ZNF449: variants seen among roughly 807,000 people sequenced by gnomAD.
The protein encoded by ZNF449 is zinc finger protein 449.
Under a neutral mutation model 32.6 loss-of-function variants are expected in ZNF449, and 4 were observed. The observed-to-expected ratio is 0.12, with a 90% CI of 0.06 to 0.28. ZNF449 has a LOEUF of 0.28. Ranked by LOEUF, ZNF449 falls within the 10% of genes least tolerant of loss-of-function variation. The pLI is 1.00. For synonymous variants in ZNF449, 123 were observed against 132.2 expected, an observed-to-expected ratio of 0.93 and a Z score of 0.48; for missense variants, 275 against 383.2, an observed-to-expected ratio of 0.72 and a Z score of 2.36.
At chrX:135,352,579 T>A (rs1335914348) in intron 3 of ZNF449, among the ~76,000 whole-genome samples, 1 of 112,449 alleles carries the variant, frequency 8.9e-6, no homozygotes, top group East Asian at 2.8e-4. Flanking sequence ...TTTCAATTGA[T>A]GAGGTTTCAT....
In ZNF449 at chrX:135,360,439, C is replaced by T; in HGVS notation, c.920C>T (p.Pro307Leu). Residue 307 changes from proline to leucine, a missense_variant, in exon 5 of 5, where the codon CCT (proline) becomes CTT (leucine). Physicochemically the swap from Pro to Leu is moderately conservative, Grantham distance 98. This residue lies in a region of ZNF449 where 165 missense variants were observed against 175.0 expected (regional missense o/e 0.94). Transcript: ENST00000339249. ...ETPENSNLEEPLNPKPHKKKS... is the reference protein window; with the variant it reads ...ETPENSNLEELLNPKPHKKKS... ...CCTGAGAACTCCAACTTGGAAGAAC[C>T]TCTCAACCCTAAACCCCACAAGAAA... The T allele has an allele frequency of 8.3e-7, 1 of 1,211,440 alleles. No individual in the cohort carries two copies. The highest frequency in any genetic ancestry group is 1.1e-6 in the Non-Finnish European group (1 of 895,355).
At chrX:135,358,383 A>G (rs2084928748) in intron 3 of ZNF449, among the ~76,000 whole-genome samples, 1 of 111,735 alleles carries the variant, frequency 8.9e-6, no homozygotes, top group African/African-American at 3.2e-5. Flanking sequence ...GAAAATACAT[A>G]TATATTATAA....
chrX:135,357,327 A>G (rs782110451), intron 3 of ZNF449, among the ~76,000 whole-genome samples: 1 of 111,456 alleles, frequency 9.0e-6, no homozygotes, highest in African/African-American at 3.2e-5. Context: ...GGTGGGAGGT[A>G]GAGGTCCAAA....
At chrX:135,359,361 G>A (rs782130133) in intron 3 of ZNF449, among the ~76,000 whole-genome samples, 7 of 111,276 alleles carry the variant, frequency 6.3e-5, no homozygotes, top group African/African-American at 2.0e-4. Context: ...TAAGTTATCT[G>A]GGCTAATTTT....
At chrX:135,351,658 T>TAA (rs782046147) in intron 3 of ZNF449, among the ~76,000 whole-genome samples, 4 of 49,501 alleles carry the variant, frequency 8.1e-5, no homozygotes, top group African/African-American at 2.3e-4. Flanking sequence ...TGAGGAATTC[T>TAA]AAAAAAAAAA....
chrX:135,359,776 T>C (rs189368160), intron 3 of ZNF449, 116 bp from the exon 4 acceptor site: 15 of 459,923 alleles, frequency 3.3e-5, no homozygotes, highest in Admixed American at 1.1e-4. Flanking sequence ...GGTGAAGTAA[T>C]AGTAATGGAG....
rs1348214504 is a variant in ZNF449 at position 135,362,396 on chromosome X, C to G, written c.*1320C>G. On this transcript the variant is annotated 3_prime_UTR_variant, in exon 5 of 5. Transcript: ENST00000339249. Reference sequence around the variant, plus strand: ...AATGTATAAGTTTCCCAGTGATTCTCAACCTCTTTGAATTTTACTTATAAT... The same window carrying G: ...AATGTATAAGTTTCCCAGTGATTCTGAACCTCTTTGAATTTTACTTATAAT... 8.9e-6 allele frequency: 1 copy of G among 111,917 alleles called. No individual in the cohort carries two copies. The highest frequency in any genetic ancestry group is 3.2e-5 in the African/African-American group (1 of 30,844). 9.2% of individuals were successfully genotyped at this position (111,917 alleles called of 1,213,427 possible).
Position 135,363,227 on chromosome X carries a change from ACT to A in ZNF449, c.*2154_*2155del, listed in dbSNP as rs1192756998. The A allele has an allele frequency of 1.3e-4, 15 of 112,048 alleles. No individual in the cohort carries two copies. Among genetic ancestry groups the A allele is most frequent in the African/African-American group, 4.9e-4 (15 of 30,818 alleles). The allele number at this position is 112,048 out of a possible 1,213,427, so 9.2% of individuals were successfully genotyped here. A position where few individuals can be genotyped will look rare whatever the true frequency, so the allele number is the denominator to read the frequency against. ...ACAGTGGCAACAAGCATGGCAATTG[ACT>A]CTGTCCTCATCCCAAGTTGGAATCG... On this transcript the variant is annotated 3_prime_UTR_variant, in exon 5 of 5. Transcript: ENST00000339249.
chrX:135,358,610 A>G (rs1556452592), intron 3 of ZNF449, among the ~76,000 whole-genome samples: 1 of 112,003 alleles, frequency 8.9e-6, no homozygotes, highest in African/African-American at 3.2e-5. Flanking sequence ...ACATCTTTTA[A>G]CAAAAGAAAG....
At chrX:135,345,405 T>G (rs1569497024) in intron 1 of ZNF449, among the ~76,000 whole-genome samples, 1 of 111,342 alleles carries the variant, frequency 9.0e-6, no homozygotes, top group Non-Finnish European at 1.9e-5. Context: ...TGGCGCAGAT[T>G]AACGGGTGGG....
chrX:135,347,734 A>C, intron 2 of ZNF449: 1 of 965,849 alleles, frequency 1.0e-6, no homozygotes, highest in Non-Finnish European at 1.4e-6. Flanking sequence ...TAATCTACCC[A>C]CATACATCAA....
chrX:135,349,167 C>A lies in ZNF449; in HGVS notation c.412C>A (p.Pro138Thr). 1.7e-6 allele frequency: 2 copies of A among 1,211,616 alleles called. No homozygotes were observed. Among genetic ancestry groups the A allele is most frequent in the South Asian group, 1.8e-5 (1 of 56,982 alleles). ...GGCACCAGTGGGAACGGCACACATA[C>A]CACCAACCATGCACCTAGAGTCACC... is the stretch of plus-strand genomic sequence containing the variant. The part of the protein sequence containing the change: ...ELAPVGTAHI[P>T]PTMHLESPAL... The change falls in exon 3 of 5, where the codon CCA becomes ACA. Residue 138 changes from proline (P) to threonine (T), a missense_variant. Physicochemically the swap from Pro to Thr is conservative, Grantham distance 38. Around this residue, in one of 3 missense-constraint regions of ZNF449, gnomAD observed 165 missense variants for 175.0 expected, o/e 0.94. Transcript: ENST00000339249.
chrX:135,346,935 T>C lies in ZNF449; in HGVS notation c.-100-84T>C, dbSNP rs146108292. On this transcript the variant is annotated intron_variant, in intron 1 of 4. Coordinates refer to ENST00000339249, the MANE Select transcript of ZNF449 (RefSeq NM_152695.6). Reference sequence around the variant, plus strand: ...GGTAAAAAAGAAGTTAACAGGTTCTTTGGTAAAAAAGAAGTTGACCGAGGT... The same window carrying C: ...GGTAAAAAAGAAGTTAACAGGTTCTCTGGTAAAAAAGAAGTTGACCGAGGT... The C allele has an allele frequency of 3.1e-3, 1,127 of 366,726 alleles. 11 individuals carry two copies. Among genetic ancestry groups the C allele is most frequent in the African/African-American group, 0.026 (1,008 of 38,709 alleles). 30.2% of individuals were successfully genotyped at this position (366,726 alleles called of 1,213,427 possible).
chrX:135,347,665 T>C, intron 2 of ZNF449, 193 bp downstream of exon 2: 1 of 1,105,417 alleles, frequency 9.0e-7, no homozygotes, highest in Non-Finnish European at 1.2e-6. Flanking sequence ...ATTCCCCTTC[T>C]ATAACAAATA....
chrX:135,346,258 G>A (rs1341435121), intron 1 of ZNF449, among the ~76,000 whole-genome samples: 2 of 111,946 alleles, frequency 1.8e-5, no homozygotes, highest in Admixed American at 1.9e-4. Flanking sequence ...TTTTCACATA[G>A]GAGATCCTCT....
In ZNF449 at chrX:135,353,401, T is replaced by TA. The variant is rs201403458; in HGVS notation, c.559+4097dup. On this transcript the variant is annotated intron_variant, in intron 3 of 4. Transcript: ENST00000339249. ...TGCCTGGACTTAATAGCCTTTTACT[T>TA]AAAAAAAAAATCAAAAATAATTTCC... Among the ~76,000 whole-genome samples the TA allele has an allele frequency of 5.4e-3, 589 of 108,486 alleles. 4 individuals carry two copies. Among genetic ancestry groups the TA allele is most frequent in the African/African-American group, 0.018 (554 of 29,988 alleles). The allele number at this position is 108,486 out of a possible 115,157, so 94.2% of individuals were successfully genotyped here.
chrX:135,347,776 GAAGGCCA>G (rs1379626239), intron 2 of ZNF449: 3 of 701,245 alleles, frequency 4.3e-6, no homozygotes, highest in Non-Finnish European at 6.2e-6. Flanking sequence ...TCCATGGCCT[GAAGGCCA>G]ATTCTAGCCA....
intron 3 of ZNF449, among the ~76,000 whole-genome samples, chrX:135,357,459 A>G (rs782576098): frequency 1.8e-5 from 2 of 111,323 alleles, no homozygotes; most frequent in African/African-American, 6.5e-5. Context: ...GGACAGGTAT[A>G]TGGATTTATT....
Position 135,361,071 on chromosome X carries a change from A to G in ZNF449, c.1552A>G (p.Ile518Val), listed in dbSNP as rs782486160. The stretch of plus-strand genomic sequence containing the variant: ...CCAGGTCACTCACTTTAGAGGACTT[A>G]TTTAAGAATTGCTAAGGGAAACAGG... ...MHQVTHFRGL[I>V] The change falls in exon 5 of 5, where the codon ATT (isoleucine) becomes GTT (valine). Residue 518 changes from isoleucine (I) to valine (V), a missense_variant. Coordinates refer to ENST00000339249, the MANE Select transcript of ZNF449 (RefSeq NM_152695.6). 8.6e-7 allele frequency: 1 copy of G among 1,157,333 alleles called. No homozygotes were observed. The highest frequency in any genetic ancestry group is 1.8e-5 in the African/African-American group (1 of 55,220).
Sources: gnomAD v4.1 joint callset for allele counts (sites outside exome capture counted in the v4.1 genomes callset) on GRCh38, gnomAD v4.1.1 for gene constraint, gnomAD v4.1.1 regional missense constraint, MANE v1.5 for transcripts, NCBI Gene and HGNC (gene_info 2026-07-23, HGNC 2026-07-21) for gene names.